LAMA2: variants seen among roughly 807,000 people sequenced by gnomAD.
LAMA2 encodes laminin subunit alpha-2.
Under a neutral mutation model 364.8 loss-of-function variants are expected in LAMA2, and 269 were observed. That is an observed-to-expected ratio of 0.74 (90% confidence interval 0.67 to 0.82). The LOEUF is 0.82. Among genes scored for constraint, LAMA2 ranks in the 40% least tolerant of loss-of-function variants. LAMA2 has a pLI of 0.00. For missense variants in LAMA2, 3,807 were observed against 3,873.2 expected (o/e 0.98, Z 0.45); for synonymous variants, 1,379 against 1,370.6 (o/e 1.01, Z -0.14).
intron 20 of LAMA2, among the ~76,000 whole-genome samples, chr6:129,293,861 T>C (rs1789892310): frequency 1.3e-5 from 2 of 152,332 alleles, no homozygotes; most frequent in South Asian, 4.1e-4. Flanking sequence ...TATCACACAT[T>C]TTTTAAAAAA....
At chr6:129,162,747 T>C (rs1398469324) in intron 8 of LAMA2, among the ~76,000 whole-genome samples, 2 of 152,170 alleles carry the variant, frequency 1.3e-5, no homozygotes, top group Non-Finnish European at 2.9e-5. Flanking sequence ...TTGACACTTA[T>C]ACCATGTATG....
At chr6:129,322,123 CAT>C (rs1025045144) in intron 28 of LAMA2, among the ~76,000 whole-genome samples, 4 of 152,176 alleles carry the variant, frequency 2.6e-5, no homozygotes, top group African/African-American at 9.7e-5. Context: ...TTTTGTGACA[CAT>C]GCTTAAAATG....
rs1776295277 is a variant in LAMA2, at chr6:128,888,924, C to G, written c.112+5567C>G. 1.3e-5 allele frequency among the ~76,000 whole-genome samples: 2 copies of G among 152,156 alleles called. 1 individual carries two copies. Among genetic ancestry groups the G allele is most frequent in the South Asian group, 4.1e-4 (2 of 4,830 alleles). On this transcript the variant is annotated intron_variant, in intron 1 of 64. Transcript: ENST00000421865. ...ATTATTTTAGATTTATCTCTTGTCC[C>G]AAACACTCCACTGATAGAACACATT...
chr6:128,961,170 T>C (rs1399684486), intron 1 of LAMA2, among the ~76,000 whole-genome samples: 8 of 151,140 alleles, frequency 5.3e-5, no homozygotes, highest in Non-Finnish European at 7.4e-5. Flanking sequence ...ATAATCACAC[T>C]CTACAATATG....
At chr6:129,341,160 T>C (rs752687991) in intron 29 of LAMA2, among the ~76,000 whole-genome samples, 1 of 152,166 alleles carries the variant, frequency 6.6e-6, no homozygotes, top group African/African-American at 2.4e-5. Flanking sequence ...CTACCAACAA[T>C]TGTCTGGCCA....
Position 129,104,240 on chromosome 6 carries a change from T to C in LAMA2, c.639+5825T>C, listed in dbSNP as rs189299295. Among the ~76,000 whole-genome samples the C allele has an allele frequency of 2.6e-3, 394 of 152,300 alleles. 2 individuals are homozygous for C. Among genetic ancestry groups the C allele is most frequent in the African/African-American group, 9.2e-3 (381 of 41,576 alleles). On this transcript the variant is annotated intron_variant, in intron 4 of 64. Transcript: ENST00000421865. Reference sequence around the variant, plus strand: ...CTCAAACTCCTGGCCTCAAGTGATCTTTCCACCTTAGTCTTCTAAAGTTAC... The same window carrying C: ...CTCAAACTCCTGGCCTCAAGTGATCCTTCCACCTTAGTCTTCTAAAGTTAC...
chr6:129,353,382 GT>G, intron 32 of LAMA2, 25 bp downstream of exon 32: 1 of 1,584,074 alleles, frequency 6.3e-7, no homozygotes, highest in Non-Finnish European at 8.6e-7. Flanking sequence ...TTTGCTGTTA[GT>G]TTTGGAGGCC....
chr6:129,072,968 A>T (rs1474446917), intron 3 of LAMA2, among the ~76,000 whole-genome samples: 1 of 151,950 alleles, frequency 6.6e-6, no homozygotes, highest in Non-Finnish European at 1.5e-5. Context: ...TACTTTGTTT[A>T]TTTATTTATT....
intron 12 of LAMA2, among the ~76,000 whole-genome samples, chr6:129,245,829 GAA>G (rs1785712262): frequency 6.6e-6 from 1 of 152,116 alleles, no homozygotes. Context: ...AGAACTATAA[GAA>G]TGAGAATTCT....
chr6:129,474,322 C>T (rs1448888963), intron 52 of LAMA2, among the ~76,000 whole-genome samples: 2 of 152,070 alleles, frequency 1.3e-5, no homozygotes, highest in Admixed American at 1.3e-4. Flanking sequence ...GCTGAAATTT[C>T]TTCTCCCCAA....
At chr6:129,230,410 T>C (rs950304029) in intron 12 of LAMA2, among the ~76,000 whole-genome samples, 1 of 151,940 alleles carries the variant, frequency 6.6e-6, no homozygotes, top group Non-Finnish European at 1.5e-5. Context: ...AGAAAGAATA[T>C]GGAGATAGCA....
At chr6:128,909,269 C>G (rs1028986244) in intron 1 of LAMA2, among the ~76,000 whole-genome samples, 1 of 152,044 alleles carries the variant, frequency 6.6e-6, no homozygotes, top group Non-Finnish European at 1.5e-5. Flanking sequence ...GTGTGGGAGT[C>G]TAAGTCTCTT....
At chr6:129,458,289 A>G (rs1783072316) in intron 48 of LAMA2, among the ~76,000 whole-genome samples, 1 of 152,062 alleles carries the variant, frequency 6.6e-6, no homozygotes, top group Admixed American at 6.6e-5. Flanking sequence ...TGGTAGTCAC[A>G]CCTTAAATTG....
At chr6:129,490,807 C>A (rs185926897) in intron 56 of LAMA2, 2 of 152,106 alleles carry the variant, frequency 1.3e-5, no homozygotes, top group East Asian at 3.8e-4. Context: ...TATGTCATTT[C>A]CCCCTATTTT....
chr6:129,143,779 C>T (rs1196279875), intron 4 of LAMA2, 122 bp from the exon 5 acceptor site: 29 of 718,628 alleles, frequency 4.0e-5, no homozygotes, highest in Non-Finnish European at 6.4e-5. Flanking sequence ...AGGCATGTAC[C>T]TGAATCTGCG....
chr6:129,089,729 T>C (rs1352989488), intron 3 of LAMA2, among the ~76,000 whole-genome samples: 2 of 152,200 alleles, frequency 1.3e-5, no homozygotes, highest in East Asian at 3.8e-4. Flanking sequence ...GCCTGGGTTT[T>C]CCCTGCAGCT....
intron 12 of LAMA2, among the ~76,000 whole-genome samples, chr6:129,203,935 T>C (rs1477050896): frequency 6.6e-6 from 1 of 152,240 alleles, no homozygotes; most frequent in Non-Finnish European, 1.5e-5. Context: ...AGCTGTCCGA[T>C]AAATGCCAAT....
intron 1 of LAMA2, among the ~76,000 whole-genome samples, chr6:128,902,465 G>A (rs138193381): frequency 5.9e-5 from 9 of 151,978 alleles, no homozygotes; most frequent in Admixed American, 1.3e-4. Context: ...ACACATAATC[G>A]AAGCAAGAAA....
chr6:128,987,020 C>T (rs141049912), intron 1 of LAMA2, among the ~76,000 whole-genome samples: 2,942 of 151,628 alleles, frequency 0.019, 50 homozygotes, highest in Middle Eastern at 0.055. Flanking sequence ...TTAAACAGTC[C>T]GCTTAAGAAT....
Sources: gnomAD v4.1 joint callset for allele counts (sites outside exome capture counted in the v4.1 genomes callset) on GRCh38, gnomAD v4.1.1 for gene constraint, MANE v1.5 for transcripts, NCBI Gene and HGNC (gene_info 2026-07-23, HGNC 2026-07-21) for gene names.